The following DCTN5 variants were observed in gnomAD, a reference collection of about 807,000 sequenced individuals.
The protein encoded by DCTN5 is dynactin 4.
In DCTN5, 14 loss-of-function variants were observed where a neutral mutation model predicts 23.5. The observed-to-expected ratio is 0.60, with a 90% CI of 0.39 to 0.93. The LOEUF (loss-of-function observed/expected upper bound fraction) is 0.93. DCTN5 is among the 40% of genes least tolerant of loss of function. The pLI, the probability that DCTN5 is intolerant of heterozygous loss-of-function variation, is 0.00. For synonymous variants in DCTN5, 67 were observed against 79.6 expected, an observed-to-expected ratio of 0.84 and a Z score of 0.84; for missense variants, 156 against 225.9, an observed-to-expected ratio of 0.69 and a Z score of 1.98.
chr16:23,658,444 A>C (rs1043923516), intron 2 of DCTN5, 63 bp from the exon 3 acceptor site: 2 of 1,031,296 alleles, frequency 1.9e-6, no homozygotes, highest in Non-Finnish European at 3.1e-6. Flanking sequence ...CTCGTTATCT[A>C]CTCTTTTTTT....
chr16:23,648,030 G>C (rs1967507162), intron 2 of DCTN5, among the ~76,000 whole-genome samples: 1 of 151,870 alleles, frequency 6.6e-6, no homozygotes, highest in Non-Finnish European at 1.5e-5. Flanking sequence ...TCCTGATTTT[G>C]TGTCTTATAA....
In DCTN5 at chr16:23,641,522, T is replaced by C. The variant is rs778497584; in HGVS notation, c.-21T>C. On this transcript the variant is annotated 5_prime_UTR_variant, in exon 1 of 6. Transcript: ENST00000300087. ...GACTGACTCTGACAGGATCCGGGGC[T>C]GAGGGAAGGAGGCGGCGGCCATGGA... 1.1e-5 allele frequency: 17 copies of C among 1,613,918 alleles called. No individual in the cohort carries two copies. The highest frequency in any genetic ancestry group is 1.4e-5 in the Non-Finnish European group (16 of 1,179,970).
At chr16:23,642,825 GACTC>G (rs1967326069) in intron 1 of DCTN5, 126 bp from the exon 2 acceptor site, 1 of 733,214 alleles carries the variant, frequency 1.4e-6, no homozygotes, top group Admixed American at 2.1e-5. Flanking sequence ...TGATATCCTG[GACTC>G]ACTCCATTGT....
At chr16:23,643,889 G>A (rs994868676) in intron 2 of DCTN5, among the ~76,000 whole-genome samples, 1 of 152,042 alleles carries the variant, frequency 6.6e-6, no homozygotes, top group African/African-American at 2.4e-5. Flanking sequence ...GTATATTTGA[G>A]CTTGACAAAC....
At chr16:23,665,957 C>A in intron 5 of DCTN5, 1 of 533,694 alleles carries the variant, frequency 1.9e-6, no homozygotes. Context: ...GGGCCAAACA[C>A]AAAGAGGAAA....
At chr16:23,645,135 ATATT>A (rs1567228559) in intron 2 of DCTN5, among the ~76,000 whole-genome samples, 1 of 24,794 alleles carries the variant, frequency 4.0e-5, no homozygotes, top group African/African-American at 1.9e-4. Flanking sequence ...ATATATATAT[ATATT>A]TTTTTTTTTT....
At chr16:23,665,573 G>A (rs1967890442) in intron 4 of DCTN5, 53 bp from the exon 5 acceptor site, 2 of 1,509,664 alleles carry the variant, frequency 1.3e-6, no homozygotes, top group African/African-American at 1.4e-5. Context: ...ATAGAAAGGA[G>A]CCTTTCACAC....
At chr16:23,663,615 C>T (rs1967854843) in intron 4 of DCTN5, among the ~76,000 whole-genome samples, 1 of 151,582 alleles carries the variant, frequency 6.6e-6, no homozygotes, top group East Asian at 1.9e-4. Flanking sequence ...ACTTGGGAGG[C>T]TGAAACAGGA....
chr16:23,642,931 C>T (rs117841286), intron 1 of DCTN5, 24 bp from the exon 2 acceptor site: 8 of 1,610,974 alleles, frequency 5.0e-6, no homozygotes, highest in East Asian at 4.5e-5. Context: ...TTGCTTTCCC[C>T]GGTTTTCCGT....
chr16:23,668,866 G>T lies in DCTN5; in HGVS notation c.*1722G>T, dbSNP rs1452683906. On this transcript the variant is annotated 3_prime_UTR_variant, in exon 6 of 6. Transcript: ENST00000300087. ...CAAAGTTCTCAATGGTTTGTTGTGAGTTCCATGTCCTCTTGGATCAGTCAC... is the reference window on the plus strand; with the variant it reads ...CAAAGTTCTCAATGGTTTGTTGTGATTTCCATGTCCTCTTGGATCAGTCAC... The T allele has an allele frequency of 6.6e-6, 1 of 152,290 alleles. No individual in the cohort carries two copies. Among genetic ancestry groups the T allele is most frequent in the Non-Finnish European group, 1.5e-5 (1 of 68,038 alleles). 9.4% of individuals were successfully genotyped at this position (152,290 alleles called of 1,614,324 possible).
In DCTN5 at chr16:23,669,165, TCTC is replaced by T. The variant is rs1458297898; in HGVS notation, c.*2024_*2026del. ...ACTTTTATAACCCTGGAGATGAAAATCTCCTTGTCCTCAAAATACTTCCAGAAG... is the reference window on the plus strand; with the variant it reads ...ACTTTTATAACCCTGGAGATGAAAATCTTGTCCTCAAAATACTTCCAGAAG... On this transcript the variant is annotated 3_prime_UTR_variant, in exon 6 of 6. Transcript: ENST00000300087. The T allele has an allele frequency of 6.6e-6, 1 of 152,422 alleles. No homozygotes were observed. The highest frequency in any genetic ancestry group is 2.4e-5 in the African/African-American group (1 of 41,376). The allele number at this position is 152,422 out of a possible 1,614,324, so 9.4% of individuals were successfully genotyped here.
At chr16:23,642,056 C>G (rs571975904) in intron 1 of DCTN5, among the ~76,000 whole-genome samples, 2 of 152,144 alleles carry the variant, frequency 1.3e-5, no homozygotes, top group African/African-American at 2.4e-5. Context: ...CTCAGCGTCT[C>G]GAGTAGCTGG....
rs1967253164 is a variant in DCTN5, at chr16:23,641,478, A to G, written c.-65A>G. The G allele has an allele frequency of 1.9e-6, 3 of 1,597,186 alleles. No homozygotes were observed. The Admixed American group carries it at 5.0e-5, about 27-fold the overall frequency. On this transcript the variant is annotated 5_prime_UTR_variant, in exon 1 of 6. Transcript: ENST00000300087. ...TGGAGGAGCGGCCGGAAGTAGCCGG[A>G]ATCTCTGAAAGACTGACCGACTGAC...
intron 4 of DCTN5, among the ~76,000 whole-genome samples, chr16:23,662,265 T>C (rs145271114): frequency 6.6e-6 from 1 of 152,132 alleles, no homozygotes; most frequent in African/African-American, 2.4e-5. Context: ...GAGATTCACA[T>C]GCGTAAGGAA....
chr16:23,650,634 G>T, intron 2 of DCTN5: 1 of 955,146 alleles, frequency 1.0e-6, no homozygotes, highest in Non-Finnish European at 1.5e-6. Context: ...TGGCCCGTCT[G>T]TGCATTTTCA....
At chr16:23,641,716 T>C (rs1967268250) in intron 1 of DCTN5, 126 bp downstream of exon 1, 2 of 964,448 alleles carry the variant, frequency 2.1e-6, no homozygotes, top group Admixed American at 2.0e-5. Context: ...CCGGATTATC[T>C]AGCGATGCCC....
chr16:23,658,448 T>C, intron 2 of DCTN5, 59 bp from the exon 3 acceptor site: 3 of 1,121,728 alleles, frequency 2.7e-6, no homozygotes, highest in Non-Finnish European at 4.1e-6. Flanking sequence ...TTATCTACTC[T>C]TTTTTTGTTA....
intron 2 of DCTN5, among the ~76,000 whole-genome samples, chr16:23,644,392 C>T (rs915832933): frequency 6.6e-6 from 1 of 151,388 alleles, no homozygotes; most frequent in South Asian, 2.1e-4. Context: ...GCTCCGCCTC[C>T]CAGGCTCACG....
intron 2 of DCTN5, among the ~76,000 whole-genome samples, chr16:23,645,137 A>ATATTTTTT (rs1555462995): frequency 3.2e-5 from 1 of 30,804 alleles, no homozygotes; most frequent in Non-Finnish European, 5.6e-5. Flanking sequence ...ATATATATAT[A>ATATTTTTT]TTTTTTTTTT....
Sources: allele counts gnomAD v4.1 joint callset (sites outside exome capture counted in the v4.1 genomes callset), GRCh38; gene constraint gnomAD v4.1.1; transcripts MANE v1.5; gene names NCBI Gene and HGNC (gene_info 2026-07-23, HGNC 2026-07-21).